Variants in ALK observed in about 807,000 individuals in gnomAD.
The protein encoded by ALK is ALK receptor tyrosine kinase.
A neutral mutation model predicts 163.1 loss-of-function variants in ALK; 74 were observed. The ratio of observed to expected loss-of-function variants is 0.45; its 90% CI spans 0.38 to 0.55. The LOEUF (loss-of-function observed/expected upper bound fraction) is 0.55, where lower values mean the gene tolerates loss of function less well. Ranked by LOEUF, ALK falls within the 20% of genes least tolerant of loss-of-function variation. The pLI is 0.00. For synonymous variants in ALK, 960 were observed against 843.2 expected (o/e 1.14, Z -2.40); for missense variants, 2,063 against 2,105.3 (o/e 0.98, Z 0.39).
At chr2:29,387,676 A>G (rs1389107071) in intron 4 of ALK, among the ~76,000 whole-genome samples, 1 of 152,248 alleles carries the variant, frequency 6.6e-6, no homozygotes, top group East Asian at 1.9e-4. Context: ...TCCTAGTAAC[A>G]AAACATTTTA....
chr2:29,443,078 C>T (rs1357963734), intron 4 of ALK, among the ~76,000 whole-genome samples: 2 of 152,206 alleles, frequency 1.3e-5, no homozygotes, highest in African/African-American at 4.8e-5. Context: ...TGACACTAGA[C>T]ATTTGAGGGC....
At chr2:29,447,115 T>G (rs961372559) in intron 4 of ALK, among the ~76,000 whole-genome samples, 8 of 152,194 alleles carry the variant, frequency 5.3e-5, no homozygotes, top group African/African-American at 1.9e-4. Context: ...TGGGGCCTCG[T>G]CTCCTGGCAA....
intron 3 of ALK, among the ~76,000 whole-genome samples, chr2:29,625,141 T>G (rs539048237): frequency 6.6e-6 from 1 of 152,196 alleles, no homozygotes; most frequent in Non-Finnish European, 1.5e-5. Context: ...TCTGTAGCTA[T>G]CCATTATGTT....
At chr2:29,450,074 C>T (rs6547930) in intron 4 of ALK, among the ~76,000 whole-genome samples, 87,127 of 151,940 alleles carry the variant, frequency 0.57, 25,195 homozygotes, top group East Asian at 0.69. Flanking sequence ...ATGCTGTCCC[C>T]TTCCTGCTCC....
At chr2:29,778,434 G>T (rs574610370) in intron 1 of ALK, among the ~76,000 whole-genome samples, 2 of 152,340 alleles carry the variant, frequency 1.3e-5, no homozygotes, top group South Asian at 4.1e-4. Flanking sequence ...ATTTGGAGAA[G>T]ATGACTTCCC....
At chr2:29,469,500 C>T (rs938823303) in intron 4 of ALK, among the ~76,000 whole-genome samples, 1 of 152,186 alleles carries the variant, frequency 6.6e-6, no homozygotes, top group Non-Finnish European at 1.5e-5. Flanking sequence ...TCAGTCCCAG[C>T]ATCTTTTCAC....
At chr2:29,695,710 G>T (rs1170891818) in intron 2 of ALK, among the ~76,000 whole-genome samples, 1 of 152,150 alleles carries the variant, frequency 6.6e-6, no homozygotes, top group Non-Finnish European at 1.5e-5. Flanking sequence ...CAAAGGATAT[G>T]AACAGACATT....
chr2:29,494,603 TCTG>T (rs1671980439), intron 4 of ALK, among the ~76,000 whole-genome samples: 4 of 152,126 alleles, frequency 2.6e-5, no homozygotes, highest in African/African-American at 7.2e-5. Flanking sequence ...GTCCAGCCCC[TCTG>T]CAGTTTGAGG....
intron 4 of ALK, among the ~76,000 whole-genome samples, chr2:29,437,074 C>T (rs1670419284): frequency 6.6e-6 from 1 of 152,168 alleles, no homozygotes; most frequent in African/African-American, 2.4e-5. Flanking sequence ...GTGATGCTGC[C>T]TTCTAATGGT....
intron 3 of ALK, among the ~76,000 whole-genome samples, chr2:29,609,274 T>G (rs1311265569): frequency 6.6e-6 from 1 of 152,126 alleles, no homozygotes; most frequent in Non-Finnish European, 1.5e-5. Flanking sequence ...AGTTGTTTTT[T>G]TGTGTGTGGT....
chr2:29,199,400 A>G (rs930461104), intron 26 of ALK, among the ~76,000 whole-genome samples: 6 of 152,110 alleles, frequency 3.9e-5, no homozygotes, highest in East Asian at 1.9e-4. Flanking sequence ...AATATTTGCT[A>G]TCTTCTTCTA....
intron 3 of ALK, among the ~76,000 whole-genome samples, chr2:29,567,324 C>T (rs1674220343): frequency 6.6e-6 from 1 of 152,190 alleles, no homozygotes; most frequent in African/African-American, 2.4e-5. Flanking sequence ...TGACTAGGCC[C>T]CAGAAATACT....
At chr2:29,524,009 C>A (rs1237150012) in intron 4 of ALK, among the ~76,000 whole-genome samples, 1 of 151,900 alleles carries the variant, frequency 6.6e-6, no homozygotes. Flanking sequence ...GCTTCCTGAG[C>A]CCCAGGGAGG....
chr2:29,681,430 T>A (rs533981577), intron 3 of ALK: 1 of 152,332 alleles, frequency 6.6e-6, no homozygotes, highest in South Asian at 2.1e-4. Context: ...TCAGTAAGAC[T>A]TCTGTCATCT....
chr2:29,532,219 C>A, intron 3 of ALK, 103 bp from the exon 4 acceptor site: 3 of 1,081,908 alleles, frequency 2.8e-6, no homozygotes, highest in Non-Finnish European at 4.1e-6. Flanking sequence ...ATCAGAGATA[C>A]TGGAGGCCAT....
At chr2:29,314,314 C>G (rs1435850935) in intron 8 of ALK, among the ~76,000 whole-genome samples, 1 of 152,130 alleles carries the variant, frequency 6.6e-6, no homozygotes, top group Non-Finnish European at 1.5e-5. Context: ...GTCCCCTTTT[C>G]TCCAGGCCCA....
At chr2:29,607,108 T>C (rs1385308823) in intron 3 of ALK, among the ~76,000 whole-genome samples, 2 of 152,212 alleles carry the variant, frequency 1.3e-5, no homozygotes, top group Non-Finnish European at 2.9e-5. Flanking sequence ...TGATTTTCTA[T>C]TGTTTTTTCT....
chr2:29,297,040 G>A lies in ALK; in HGVS notation c.1665C>T (p.Leu555=), dbSNP rs1553406040. Residue 555 remains leucine (L), a synonymous_variant, in exon 9 of 29, where the codon CTC becomes CTT. Coordinates refer to ENST00000389048, the MANE Select transcript of ALK (RefSeq NM_004304.5). ...CGTTTCCCCTCAAGACTCCACGAAT[G>A]AGCCAGGACATTCGGAGCTGTGAGG... ...SSPCELRMSW[L]IRGVLRGNVS... The A allele has an allele frequency of 6.2e-7, 1 of 1,614,182 alleles. No homozygotes were observed. Among genetic ancestry groups the A allele is most frequent in the Non-Finnish European group, 8.5e-7 (1 of 1,180,030 alleles).
At chr2:29,772,024 C>A (rs1442888898) in intron 1 of ALK, among the ~76,000 whole-genome samples, 1 of 152,184 alleles carries the variant, frequency 6.6e-6, no homozygotes, top group Non-Finnish European at 1.5e-5. Flanking sequence ...ACCCACAGGG[C>A]AGCCAGATAA....
Sources: gnomAD v4.1 joint callset for allele counts (sites outside exome capture counted in the v4.1 genomes callset) on GRCh38, gnomAD v4.1.1 for gene constraint, MANE v1.5 for transcripts, NCBI Gene and HGNC (gene_info 2026-07-23, HGNC 2026-07-21) for gene names.